LRP8: variants seen among roughly 807,000 people sequenced by gnomAD.
The protein encoded by LRP8 is LDL receptor related protein 8.
LRP8 carries 46 observed loss-of-function variants against 111.6 expected under a neutral mutation model. The observed-to-expected ratio is 0.41, with a 90% CI of 0.33 to 0.53. LRP8 has a LOEUF of 0.53. Ranked by LOEUF, LRP8 falls within the 20% of genes least tolerant of loss-of-function variation. The pLI is 0.20. For missense variants in LRP8, 959 were observed against 1,297.4 expected (o/e 0.74, Z 4.01); for synonymous variants, 464 against 511.2 (o/e 0.91, Z 1.24).
intron 2 of LRP8, among the ~76,000 whole-genome samples, chr1:53,316,274 A>G (rs1301593743): frequency 5.3e-5 from 8 of 152,020 alleles, no homozygotes; most frequent in Non-Finnish European, 1.2e-4. Context: ...GGCCTGATGT[A>G]CCACTTGGCC....
At chr1:53,296,060 T>C (rs1271022309) in intron 2 of LRP8, among the ~76,000 whole-genome samples, 2 of 152,090 alleles carry the variant, frequency 1.3e-5, no homozygotes, top group African/African-American at 4.8e-5. Flanking sequence ...GGGACCCCAC[T>C]GGAGACCCCA....
At chr1:53,322,147 C>T (rs567851587) in intron 2 of LRP8, among the ~76,000 whole-genome samples, 2 of 152,222 alleles carry the variant, frequency 1.3e-5, no homozygotes, top group South Asian at 2.1e-4. Flanking sequence ...ATTCACTGAA[C>T]ACCTCCTGCT....
intron 8 of LRP8, among the ~76,000 whole-genome samples, chr1:53,270,482 T>C (rs1399018155): frequency 2.6e-5 from 4 of 152,122 alleles, no homozygotes; most frequent in Non-Finnish European, 5.9e-5. Context: ...CATTAGGTAG[T>C]ATTTGTGCCC....
At chr1:53,289,390 G>T in intron 3 of LRP8, 177 bp downstream of exon 3, 2 of 832,596 alleles carry the variant, frequency 2.4e-6, no homozygotes, top group Non-Finnish European at 3.5e-6. Flanking sequence ...TGTGAAGAAA[G>T]TCCAGAAACA....
chr1:53,260,366 G>T, intron 13 of LRP8, 98 bp downstream of exon 13: 4 of 1,093,116 alleles, frequency 3.7e-6, no homozygotes, highest in Non-Finnish European at 5.4e-6. Flanking sequence ...TGGGGTTGCT[G>T]AGTTGTGACC....
chr1:53,259,619 T>C (rs1198041053), intron 13 of LRP8, among the ~76,000 whole-genome samples: 1 of 151,720 alleles, frequency 6.6e-6, no homozygotes, highest in Non-Finnish European at 1.5e-5. Context: ...TCTTGCTCTG[T>C]CGCCCAGGCT....
At position 53,245,095 on chromosome 1, in the gene LRP8, G is replaced by A. The variant is rs1421789882; in HGVS notation, c.*1923C>T. The A allele has an allele frequency of 1.3e-5, 2 of 152,356 alleles. No homozygotes were observed. The highest frequency in any genetic ancestry group is 3.9e-4 in the East Asian group (2 of 5,180). 9.4% of individuals were successfully genotyped at this position (152,356 alleles called of 1,614,324 possible). ...ATTTTCTTAGAGTTTAGGAGGCCAAGAGTGACACAGAGGAAGGTCCTAGGT... is the reference window on the plus strand; with the variant it reads ...ATTTTCTTAGAGTTTAGGAGGCCAAAAGTGACACAGAGGAAGGTCCTAGGT... On this transcript the variant is annotated 3_prime_UTR_variant, in exon 19 of 19. Transcript: ENST00000306052.
intron 2 of LRP8, among the ~76,000 whole-genome samples, chr1:53,308,280 T>C (rs1352578917): frequency 6.6e-6 from 1 of 152,172 alleles, no homozygotes; most frequent in Non-Finnish European, 1.5e-5. Flanking sequence ...ACCAGAGAGT[T>C]AGTGCTGAGA....
chr1:53,283,248 G>A (rs1647175543), intron 3 of LRP8, among the ~76,000 whole-genome samples: 1 of 152,078 alleles, frequency 6.6e-6, no homozygotes, highest in African/African-American at 2.4e-5. Context: ...CAGTCTATGA[G>A]GAACGGGCCC....
At chr1:53,312,939 C>T (rs562948752) in intron 2 of LRP8, among the ~76,000 whole-genome samples, 2 of 152,220 alleles carry the variant, frequency 1.3e-5, no homozygotes, top group Non-Finnish European at 2.9e-5. Flanking sequence ...TGGGCGTTTT[C>T]GCTGAAAAGA....
At chr1:53,298,930 C>G (rs72895360) in intron 2 of LRP8, among the ~76,000 whole-genome samples, 25,676 of 152,258 alleles carry the variant, frequency 0.17, 3,117 homozygotes, top group African/African-American at 0.34. Flanking sequence ...CATTCCAGCC[C>G]TGCTCTGCCA....
At chr1:53,310,921 A>G (rs1308844803) in intron 2 of LRP8, among the ~76,000 whole-genome samples, 2 of 152,174 alleles carry the variant, frequency 1.3e-5, no homozygotes, top group African/African-American at 4.8e-5. Context: ...ATAAAGACAC[A>G]GGAGATGACA....
At position 53,245,678 on chromosome 1, in the gene LRP8, G is replaced by A. The variant is rs1645710248; in HGVS notation, c.*1340C>T. 3 of 152,468 alleles carry A rather than the reference G, an allele frequency of 2.0e-5. No homozygotes were observed. The highest frequency in any genetic ancestry group is 1.3e-4 in the Admixed American group (2 of 15,262). 9.4% of individuals were successfully genotyped at this position (152,468 alleles called of 1,614,324 possible). ...GACTTCAATTTTGGCCAGTTGTTCT[G>A]ACTTAAGCCAAAAATTAGTTTCATC... On this transcript the variant is annotated 3_prime_UTR_variant, in exon 19 of 19. Transcript: ENST00000306052.
At chr1:53,296,059 C>A (rs1217732906) in intron 2 of LRP8, among the ~76,000 whole-genome samples, 1 of 152,156 alleles carries the variant, frequency 6.6e-6, no homozygotes, top group African/African-American at 2.4e-5. Context: ...AGGGACCCCA[C>A]TGGAGACCCC....
At chr1:53,268,733 C>G (rs1646665612) in intron 8 of LRP8, 1 of 152,216 alleles carries the variant, frequency 6.6e-6, no homozygotes, top group Non-Finnish European at 1.5e-5. Flanking sequence ...ACCATCTTTC[C>G]CAAGCCCATA....
chr1:53,323,383 G>A (rs774585733), intron 2 of LRP8, among the ~76,000 whole-genome samples: 53 of 152,374 alleles, frequency 3.5e-4, no homozygotes, highest in African/African-American at 1.2e-3. Context: ...CCCAGACAGC[G>A]TTCATCGGCG....
In LRP8 at chr1:53,311,121, C is replaced by T. The variant is rs573335682; in HGVS notation, c.244+15752G>A. The stretch of plus-strand genomic sequence containing the variant: ...GCCTGCTCTGAGCTGCCATGCCCTC[C>T]GGTATCCCGGGGGCCTCCCTGCCCT... On this transcript the variant is annotated intron_variant, in intron 2 of 18. Transcript: ENST00000306052. Among the ~76,000 whole-genome samples, 14 of 152,280 alleles carry T rather than the reference C, an allele frequency of 9.2e-5. No homozygotes were observed. In the East Asian group the frequency reaches 1.2e-3, roughly 13 times the overall value.
intron 16 of LRP8, among the ~76,000 whole-genome samples, chr1:53,251,917 C>T (rs926315711): frequency 6.6e-6 from 1 of 151,676 alleles, no homozygotes; most frequent in African/African-American, 2.4e-5. Context: ...TGGCGGGCAC[C>T]TGTAGTCCCA....
At chr1:53,284,560 C>T (rs1358428653) in intron 3 of LRP8, among the ~76,000 whole-genome samples, 2 of 152,200 alleles carry the variant, frequency 1.3e-5, no homozygotes, top group Non-Finnish European at 2.9e-5. Context: ...TACGCTCCAC[C>T]TCCAGGGTGG....
Sources: gnomAD v4.1 joint callset for allele counts (sites outside exome capture counted in the v4.1 genomes callset) on GRCh38, gnomAD v4.1.1 for gene constraint, MANE v1.5 for transcripts, NCBI Gene and HGNC (gene_info 2026-07-23, HGNC 2026-07-21) for gene names.